The following SCN9A variants were observed in gnomAD, a reference collection of about 807,000 sequenced individuals.
The protein encoded by SCN9A is sodium channel protein type 9 subunit alpha.
Under a neutral mutation model 187.0 loss-of-function variants are expected in SCN9A, and 131 were observed. The ratio of observed to expected loss-of-function variants is 0.70; its 90% CI spans 0.61 to 0.81. The LOEUF is 0.81. Among genes scored for constraint, SCN9A ranks in the 30% least tolerant of loss-of-function variants. The pLI, the probability that SCN9A is intolerant of heterozygous loss-of-function variation, is 0.00. For missense variants in SCN9A, 2,252 were observed against 2,396.6 expected, an observed-to-expected ratio of 0.94 and a Z score of 1.26; for synonymous variants, 809 against 808.6, an observed-to-expected ratio of 1.00 and a Z score of -0.01.
intron 18 of SCN9A, among the ~76,000 whole-genome samples, chr2:166,245,377 T>G (rs575616481): frequency 6.6e-6 from 1 of 152,066 alleles, no homozygotes; most frequent in African/African-American, 2.4e-5. Flanking sequence ...AATATTTACC[T>G]ACACATCACT....
chr2:166,208,432 GTTACTA>G (rs1693921095), intron 24 of SCN9A, among the ~76,000 whole-genome samples: 1 of 152,108 alleles, frequency 6.6e-6, no homozygotes, highest in Non-Finnish European at 1.5e-5. Context: ...TTAAATTTTA[GTTACTA>G]TTACTGTTGG....
intron 11 of SCN9A, among the ~76,000 whole-genome samples, chr2:166,285,283 A>C (rs1480598333): frequency 6.6e-6 from 1 of 152,234 alleles, no homozygotes; most frequent in Non-Finnish European, 1.5e-5. Flanking sequence ...GTGTATTTAA[A>C]GAGAGCTTTT....
intron 1 of SCN9A, among the ~76,000 whole-genome samples, chr2:166,340,558 CTTTCTT>C (rs1295983565): frequency 1.3e-5 from 1 of 74,262 alleles, no homozygotes; most frequent in African/African-American, 9.3e-5. Context: ...TTCTTTCTTT[CTTTCTT>C]TCTTTCTTTC....
intron 26 of SCN9A, among the ~76,000 whole-genome samples, chr2:166,202,432 A>G (rs575661093): frequency 0.062 from 3,145 of 51,128 alleles, 122 homozygotes; most frequent in African/African-American, 0.17. Context: ...TAACATCTAT[A>G]TGTCTTAATA....
rs991437392 is a variant in SCN9A, at chr2:166,306,539, A to T, written c.438T>A (p.Asn146Lys). ...ILTNCIFMTMNNPPDWTKNVE... is the reference protein window; with the variant it reads ...ILTNCIFMTMKNPPDWTKNVE... ...CATTTTTGGTCCAGTCCGGTGGGTT[A>T]TTCATGGTCATAAATATGCAGTTTG... Residue 146 changes from asparagine to lysine, a missense_variant, in exon 4 of 27, where the codon AAT becomes AAA. Physicochemically the swap from Asn to Lys is moderately conservative, Grantham distance 94. Transcript: ENST00000642356. The T allele has an allele frequency of 1.3e-6, 2 of 1,579,216 alleles. No individual in the cohort carries two copies. Among genetic ancestry groups the T allele is most frequent in the African/African-American group, 2.7e-5 (2 of 74,548 alleles).
chr2:166,297,220 A>AAAAAAAAAAAAAAAAAAC (rs1698352237), intron 7 of SCN9A, among the ~76,000 whole-genome samples: 1 of 144,794 alleles, frequency 6.9e-6, no homozygotes, highest in African/African-American at 2.6e-5. Context: ...AAAAAAAAAA[A>AAAAAAAAAAAAAAAAAAC]AAAAAAAGAA....
At chr2:166,256,641 A>T (rs1192471650) in intron 17 of SCN9A, among the ~76,000 whole-genome samples, 1 of 151,426 alleles carries the variant, frequency 6.6e-6, no homozygotes, top group African/African-American at 2.4e-5. Flanking sequence ...CAAGAAAACC[A>T]ATTTTTTTTC....
intron 20 of SCN9A, among the ~76,000 whole-genome samples, chr2:166,234,246 C>T (rs1231186172): frequency 6.6e-6 from 1 of 152,120 alleles, no homozygotes; most frequent in Non-Finnish European, 1.5e-5. Flanking sequence ...ATGAGCTCCT[C>T]CATGACCTTA....
At chr2:166,209,563 G>A (rs1693980163) in intron 24 of SCN9A, among the ~76,000 whole-genome samples, 1 of 151,844 alleles carries the variant, frequency 6.6e-6, no homozygotes, top group Non-Finnish European at 1.5e-5. Flanking sequence ...AAACTCCCTA[G>A]AGGATTCAAT....
At chr2:166,320,303 C>A (rs939864201) in intron 1 of SCN9A, among the ~76,000 whole-genome samples, 7 of 151,822 alleles carry the variant, frequency 4.6e-5, no homozygotes, top group African/African-American at 1.7e-4. Context: ...GATATTATAC[C>A]TCTCTCTTGA....
chr2:166,355,789 A>ATT (rs10538478), intron 1 of SCN9A, among the ~76,000 whole-genome samples: 7,586 of 146,050 alleles, frequency 0.052, 236 homozygotes, highest in African/African-American at 0.074. Context: ...TAGAAATGAG[A>ATT]TTTTTTTTTT....
At chr2:166,313,019 T>C (rs1433230505) in intron 1 of SCN9A, among the ~76,000 whole-genome samples, 3 of 140,914 alleles carry the variant, frequency 2.1e-5, no homozygotes, top group African/African-American at 7.6e-5. Context: ...AATTAAATAA[T>C]ATAGTTATTA....
chr2:166,255,636 G>A (rs1351887618), intron 17 of SCN9A, among the ~76,000 whole-genome samples: 1 of 151,270 alleles, frequency 6.6e-6, no homozygotes, highest in Non-Finnish European at 1.5e-5. Context: ...ATGCTGAAAA[G>A]AACTGAAAAA....
chr2:166,218,579 T>G, intron 24 of SCN9A, among the ~76,000 whole-genome samples: 1 of 152,006 alleles, frequency 6.6e-6, no homozygotes. Context: ...TAAGATGGAT[T>G]AAAGACTTAA....
At chr2:166,220,826 G>A (rs1694552625) in intron 24 of SCN9A, among the ~76,000 whole-genome samples, 1 of 151,966 alleles carries the variant, frequency 6.6e-6, no homozygotes, top group Non-Finnish European at 1.5e-5. Flanking sequence ...GAGAAATTAG[G>A]CAAGAAAAAC....
At chr2:166,303,049 G>A in intron 7 of SCN9A, 41 bp downstream of exon 7, 1 of 1,338,990 alleles carries the variant, frequency 7.5e-7, no homozygotes, top group Non-Finnish European at 1.0e-6. Context: ...AATGTTTTTA[G>A]CATTATTTCA....
Position 166,272,474 on chromosome 2 carries a change from T to G in SCN9A, c.3276A>C (p.Ala1092=). The G allele has an allele frequency of 6.2e-7, 1 of 1,612,684 alleles. No individual in the cohort carries two copies. The highest frequency in any genetic ancestry group is 8.5e-7 in the Non-Finnish European group (1 of 1,179,348). Residue 1092 remains alanine (A), a synonymous_variant, in exon 17 of 27, where the codon GCA becomes GCC. Transcript: ENST00000642356. ...TATTTTCCAAATCGGATTCCCCAGG[T>G]GCAATTGGCACTGTCACTGTGAGGC... ...NPSLTVTVPI[A]PGESDLENMN...
intron 24 of SCN9A, among the ~76,000 whole-genome samples, chr2:166,221,548 G>A (rs1476819420): frequency 1.3e-5 from 2 of 152,038 alleles, no homozygotes; most frequent in Non-Finnish European, 2.9e-5. Flanking sequence ...CTATAGGTGT[G>A]TGCCATCATG....
At chr2:166,209,370 A>AATT (rs1693969057) in intron 24 of SCN9A, among the ~76,000 whole-genome samples, 1 of 152,196 alleles carries the variant, frequency 6.6e-6, no homozygotes, top group African/African-American at 2.4e-5. Flanking sequence ...AATTCAAAAT[A>AATT]ATTATCCTAA....
Sources: allele counts gnomAD v4.1 joint callset (sites outside exome capture counted in the v4.1 genomes callset), GRCh38; gene constraint gnomAD v4.1.1; transcripts MANE v1.5; gene names NCBI Gene and HGNC (gene_info 2026-07-23, HGNC 2026-07-21).